BIN3: variants seen among roughly 807,000 people sequenced by gnomAD.
The protein encoded by BIN3 is bridging integrator 3.
A neutral mutation model predicts 38.2 loss-of-function variants in BIN3; 41 were observed. That is an observed-to-expected ratio of 1.07 (90% CI 0.84 to 1.39). BIN3 has a LOEUF of 1.39. Among genes scored for constraint, BIN3 ranks in the 40% most tolerant of loss-of-function variants. The pLI is 0.00. For synonymous variants in BIN3, 145 were observed against 122.6 expected, an observed-to-expected ratio of 1.18 and a Z score of -1.21; for missense variants, 361 against 324.3, an observed-to-expected ratio of 1.11 and a Z score of -0.87.
intron 1 of BIN3, among the ~76,000 whole-genome samples, chr8:22,661,663 T>C (rs578072114): frequency 1.7e-4 from 26 of 151,992 alleles, no homozygotes; most frequent in Non-Finnish European, 3.5e-4. Context: ...CAGCCTACAA[T>C]GTTGAGTGTA....
In BIN3 at chr8:22,644,799, G is replaced by GAT; in HGVS notation, c.12_13insAT (p.Pro5IlefsTer42). On this transcript the variant is annotated frameshift_variant, in exon 2 of 9. Coordinates refer to ENST00000276416, the MANE Select transcript of BIN3 (RefSeq NM_018688.6). LOFTEE classifies it high-confidence loss of function. ...TTCTTGGGCTGCCCAATCTTAAAAG[G>GAT]AATCCTATAAGAGAAAGAGACAAAG... The GAT allele has an allele frequency of 6.2e-7, 1 of 1,609,994 alleles. No individual in the cohort carries two copies. Among genetic ancestry groups the GAT allele is most frequent in the Non-Finnish European group, 8.5e-7 (1 of 1,177,814 alleles).
At chr8:22,635,497 G>A (rs1316184522) in intron 4 of BIN3, among the ~76,000 whole-genome samples, 1 of 152,144 alleles carries the variant, frequency 6.6e-6, no homozygotes, top group African/African-American at 2.4e-5. Flanking sequence ...CCCAGGGAAG[G>A]AGCTGCAGGA....
Position 22,623,970 on chromosome 8 carries a change from T to C in BIN3, c.560A>G (p.Tyr187Cys), listed in dbSNP as rs200582557. Residue 187 changes from tyrosine to cysteine, a missense_variant, in exon 8 of 9, where the codon TAC becomes TGC. Tyr to Cys is a radical substitution (Grantham distance 194). Coordinates refer to ENST00000276416, the MANE Select transcript of BIN3 (RefSeq NM_018688.6). ...CTGGAAGTAGTCGAGGCGGCTGCCG[T>C]AGAAGCGCGGCATCTCCTCCAGCAG... ...RQLLEEMPRF[Y>C]GSRLDYFQPS... The C allele has an allele frequency of 3.2e-3, 5,095 of 1,612,250 alleles. 12 individuals are homozygous for C. Among genetic ancestry groups the C allele is most frequent in the Middle Eastern group, 5.8e-3 (35 of 6,016 alleles).
intron 2 of BIN3, among the ~76,000 whole-genome samples, chr8:22,639,618 G>T (rs1049742662): frequency 3.9e-5 from 6 of 152,074 alleles, no homozygotes; most frequent in African/African-American, 1.4e-4. Flanking sequence ...GTGTAGAGCA[G>T]ATTGCAAGGT....
Position 22,620,796 on chromosome 8 carries a change from C to T in BIN3, c.*626G>A, listed in dbSNP as rs1801764436. 1.3e-5 allele frequency: 2 copies of T among 152,284 alleles called. No individual in the cohort carries two copies. The highest frequency in any genetic ancestry group is 4.1e-4 in the South Asian group (2 of 4,838). The allele number at this position is 152,284 out of a possible 1,614,324, so 9.4% of individuals were successfully genotyped here. On this transcript the variant is annotated 3_prime_UTR_variant, in exon 9 of 9. Transcript: ENST00000276416. Reference sequence around the variant, plus strand: ...CAAACCCACTGTTCCTGCTTTGAGACCTGTGAATTCTTGTGGGACAGTTCC... The same window carrying T: ...CAAACCCACTGTTCCTGCTTTGAGATCTGTGAATTCTTGTGGGACAGTTCC...
Position 22,649,762 on chromosome 8 carries a change from G to C in BIN3, c.9-4959C>G, listed in dbSNP as rs190941441. Among the ~76,000 whole-genome samples the C allele has an allele frequency of 5.1e-4, 75 of 147,696 alleles. 1 individual carries two copies. Among genetic ancestry groups the C allele is most frequent in the African/African-American group, 1.6e-3 (62 of 39,928 alleles). On this transcript the variant is annotated intron_variant, in intron 1 of 8. Transcript: ENST00000276416. ...TGTTTTTTTCTTGACTACAAAAATA[G>C]CACCTGATCAGTGTTAAAAACCTGG...
chr8:22,637,742 C>A (rs749531915), intron 2 of BIN3, among the ~76,000 whole-genome samples: 10 of 152,336 alleles, frequency 6.6e-5, no homozygotes, highest in Non-Finnish European at 1.5e-4. Flanking sequence ...AAGTAAATGA[C>A]ATCGAGAGGC....
At chr8:22,631,208 G>C (rs183007247) in intron 4 of BIN3, among the ~76,000 whole-genome samples, 6 of 152,140 alleles carry the variant, frequency 3.9e-5, no homozygotes, top group African/African-American at 1.4e-4. Context: ...CCAACCCCTG[G>C]TTTCCTCAAT....
At chr8:22,626,967 G>A (rs1401869210) in intron 6 of BIN3, among the ~76,000 whole-genome samples, 1 of 152,192 alleles carries the variant, frequency 6.6e-6, no homozygotes, top group Non-Finnish European at 1.5e-5. Context: ...CTCCTCGGGG[G>A]ATGGCGTGGT....
intron 1 of BIN3, among the ~76,000 whole-genome samples, chr8:22,650,748 T>A (rs569243549): frequency 6.6e-6 from 1 of 152,324 alleles, no homozygotes; most frequent in South Asian, 2.1e-4. Flanking sequence ...GATCGTTAGG[T>A]TTTTAGGCAC....
Position 22,622,668 on chromosome 8 carries a change from C to G in BIN3, c.616-1100G>C. 3 of 152,338 alleles carry G rather than the reference C, an allele frequency of 2.0e-5. No homozygotes were observed. The South Asian group carries it at 6.2e-4, about 32-fold the overall frequency. The allele number at this position is 152,338 out of a possible 1,614,324, so 9.4% of individuals were successfully genotyped here. A position where few individuals can be genotyped will look rare whatever the true frequency, so the allele number is the denominator to read the frequency against. On this transcript the variant is annotated intron_variant, in intron 8 of 8. Transcript: ENST00000276416. ...CCTCCCATCTGCTCCAACCTGGACA[C>G]GCGGGAGCCTGGCACCCTGTGGCTT...
rs114753944 is a variant in BIN3 at position 22,641,762 on chromosome 8, G to A, written c.57+2993C>T. On this transcript the variant is annotated intron_variant, in intron 2 of 8. Transcript: ENST00000276416. ...CCCACCTGGCTAGGAACCTTGGAGCGCATGTTCCTTGTGTGCAAGACTCAC... is the reference window on the plus strand; with the variant it reads ...CCCACCTGGCTAGGAACCTTGGAGCACATGTTCCTTGTGTGCAAGACTCAC... Among the ~76,000 whole-genome samples, 540 of 152,294 alleles carry A rather than the reference G, an allele frequency of 3.5e-3. 2 individuals are homozygous for A. Among genetic ancestry groups the A allele is most frequent in the African/African-American group, 0.011 (476 of 41,562 alleles).
At chr8:22,660,666 C>T (rs969151583) in intron 1 of BIN3, among the ~76,000 whole-genome samples, 1 of 152,010 alleles carries the variant, frequency 6.6e-6, no homozygotes, top group African/African-American at 2.4e-5. Flanking sequence ...TGAGGTCTGC[C>T]CCAGCAATGG....
intron 4 of BIN3, among the ~76,000 whole-genome samples, chr8:22,633,762 T>C (rs892915474): frequency 3.3e-5 from 5 of 152,188 alleles, no homozygotes; most frequent in South Asian, 2.1e-4. Context: ...CATGAGTTAG[T>C]TGGAGGCTGG....
At chr8:22,667,763 C>A (rs569054429) in intron 1 of BIN3, among the ~76,000 whole-genome samples, 1 of 152,110 alleles carries the variant, frequency 6.6e-6, no homozygotes, top group African/African-American at 2.4e-5. Flanking sequence ...GCTTTCCTCC[C>A]GTGCTTGCGG....
chr8:22,661,793 T>C lies in BIN3; in HGVS notation c.8+7251A>G, dbSNP rs12675062. ...TATTTTACCCATTTTAACTACTACATATATATACATTTTTTTTGAGACAGT... is the reference window on the plus strand; with the variant it reads ...TATTTTACCCATTTTAACTACTACACATATATACATTTTTTTTGAGACAGT... On this transcript the variant is annotated intron_variant, in intron 1 of 8. Coordinates refer to ENST00000276416, the MANE Select transcript of BIN3 (RefSeq NM_018688.6). 2.3e-3 allele frequency among the ~76,000 whole-genome samples: 355 copies of C among 152,028 alleles called. 7 individuals carry two copies. The East Asian group carries it at 0.063, about 27-fold the overall frequency.
At chr8:22,641,550 C>A (rs1402304466) in intron 2 of BIN3, among the ~76,000 whole-genome samples, 2 of 152,188 alleles carry the variant, frequency 1.3e-5, no homozygotes, top group Non-Finnish European at 2.9e-5. Flanking sequence ...CCAGAATCCT[C>A]AGCATTCTGG....
At chr8:22,645,008 G>A (rs760167063) in intron 1 of BIN3, 1 of 522,704 alleles carries the variant, frequency 1.9e-6, no homozygotes, top group Non-Finnish European at 3.5e-6. Context: ...CCCACCTACA[G>A]TGTCAGATGC....
chr8:22,655,635 T>G (rs1425146416), intron 1 of BIN3, among the ~76,000 whole-genome samples: 1 of 152,232 alleles, frequency 6.6e-6, no homozygotes, highest in Non-Finnish European at 1.5e-5. Flanking sequence ...ATGTCCATCT[T>G]GATAACAGCA....
Sources: gnomAD v4.1 joint callset for allele counts (sites outside exome capture counted in the v4.1 genomes callset) on GRCh38, gnomAD v4.1.1 for gene constraint, MANE v1.5 for transcripts, NCBI Gene and HGNC (gene_info 2026-07-23, HGNC 2026-07-21) for gene names.